PRR5: variants seen among roughly 807,000 people sequenced by gnomAD.
The protein encoded by PRR5 is proline rich 5.
Under a neutral mutation model 30.6 loss-of-function variants are expected in PRR5, and 25 were observed. That is an observed-to-expected ratio of 0.82 (90% CI 0.60 to 1.14). The LOEUF is 1.14. Ranked by LOEUF, PRR5 falls within the 50% of genes most tolerant of loss-of-function variation. PRR5 has a pLI of 0.00. For synonymous variants in PRR5, 286 were observed against 247.1 expected (o/e 1.16, Z -1.48); for missense variants, 600 against 547.1 (o/e 1.10, Z -0.96).
upstream of PRR5, among the ~76,000 whole-genome samples, chr22:44,673,572 C>T (rs962349019): frequency 7.2e-5 from 11 of 152,104 alleles, no homozygotes; most frequent in Admixed American, 1.3e-4. Context: ...CTGATTTAGA[C>T]GAACAGAAAG....
chr22:44,721,233 C>T (rs1434710736), intron 2 of PRR5, among the ~76,000 whole-genome samples: 1 of 152,136 alleles, frequency 6.6e-6, no homozygotes, highest in Non-Finnish European at 1.5e-5. Context: ...AAGCACACTC[C>T]CCAGGGTGGG....
chr22:44,703,331 C>G (rs1006102380), intron 1 of PRR5, among the ~76,000 whole-genome samples: 5 of 125,514 alleles, frequency 4.0e-5, no homozygotes, highest in Admixed American at 3.7e-4. Flanking sequence ...GGACACTGTT[C>G]GGGGGAGGCT....
At chr22:44,675,455 GA>G, upstream of PRR5, among the ~76,000 whole-genome samples, 1 of 152,212 alleles carries the variant, frequency 6.6e-6, no homozygotes, top group Middle Eastern at 3.4e-3. Context: ...AGCAGCCCAG[GA>G]GCTCGTGAGC....
Position 44,726,629 on chromosome 22 carries a change from A to G in PRR5, c.317A>G (p.Tyr106Cys), listed in dbSNP as rs1056779456. The G allele has an allele frequency of 2.2e-5, 35 of 1,613,922 alleles. No homozygotes were observed. Among genetic ancestry groups the G allele is most frequent in the Non-Finnish European group, 2.9e-5 (34 of 1,180,024 alleles). Residue 106 changes from tyrosine to cysteine, a missense_variant, in exon 4 of 8, where the codon TAT becomes TGT. Physicochemically the swap from Tyr to Cys is radical, Grantham distance 194. Transcript: ENST00000336985. ...ATCCTTCGGGACAAGATTCGCTTCT[A>G]TGAGGGTGAGTGTGGGCCCCTTGGC... Reference protein sequence around the residue: ...MVILRDKIRFYEGQKLLDSLA... With the variant: ...MVILRDKIRFCEGQKLLDSLA...
chr22:44,716,132 G>T (rs958821530), intron 2 of PRR5, among the ~76,000 whole-genome samples: 1 of 152,146 alleles, frequency 6.6e-6, no homozygotes, highest in African/African-American at 2.4e-5. Flanking sequence ...GCCTCCCCAG[G>T]AGTGTGTGCT....
chr22:44,720,869 G>A (rs1445910170), intron 2 of PRR5, among the ~76,000 whole-genome samples: 4 of 152,232 alleles, frequency 2.6e-5, no homozygotes, highest in Non-Finnish European at 2.9e-5. Flanking sequence ...GAGGAGGCCA[G>A]GGGAGCCGGA....
At position 44,737,325 on chromosome 22, in the gene PRR5, G is replaced by C; in HGVS notation, c.*78G>C. On this transcript the variant is annotated 3_prime_UTR_variant, in exon 8 of 8. Coordinates refer to ENST00000336985, the MANE Select transcript of PRR5 (RefSeq NM_181333.4). Reference sequence around the variant, plus strand: ...GTCCATGTGGCGTGTGTGTGAGTGAGACTTTTTTACTGCGTCCCGTCCCGC... The same window carrying C: ...GTCCATGTGGCGTGTGTGTGAGTGACACTTTTTTACTGCGTCCCGTCCCGC... 6.6e-7 allele frequency: 1 copy of C among 1,510,902 alleles called. No homozygotes were observed. The highest frequency in any genetic ancestry group is 8.9e-7 in the Non-Finnish European group (1 of 1,129,858). The allele number at this position is 1,510,902 out of a possible 1,614,324, so 93.6% of individuals were successfully genotyped here. A position where few individuals can be genotyped will look rare whatever the true frequency, so the allele number is the denominator to read the frequency against.
At chr22:44,732,216 C>G in intron 5 of PRR5, 35 bp from the exon 6 acceptor site, 1 of 1,605,834 alleles carries the variant, frequency 6.2e-7, no homozygotes. Context: ...CGCATGTGAC[C>G]ACAGCCGGTG....
chr22:44,683,367 C>T (rs1168430106), intron 1 of PRR5, among the ~76,000 whole-genome samples: 1 of 152,234 alleles, frequency 6.6e-6, no homozygotes, highest in African/African-American at 2.4e-5. Context: ...TGAGGGCCAC[C>T]TGGCAGCCCC....
intron 4 of PRR5, among the ~76,000 whole-genome samples, chr22:44,727,852 G>T (rs1921142152): frequency 6.6e-6 from 1 of 152,240 alleles, no homozygotes; most frequent in Non-Finnish European, 1.5e-5. Context: ...ACAAAGAGAG[G>T]CCATGAAAAC....
intron 4 of PRR5, chr22:44,730,894 C>T: frequency 4.3e-6 from 2 of 459,996 alleles, no homozygotes; most frequent in Non-Finnish European, 9.0e-6. Flanking sequence ...TCACCCCTGG[C>T]TACTGCCCTT....
intron 5 of PRR5, 136 bp downstream of exon 5, chr22:44,731,957 T>C: frequency 9.9e-7 from 1 of 1,009,194 alleles, no homozygotes; most frequent in Non-Finnish European, 1.4e-6. Flanking sequence ...TTGGGCTACC[T>C]GAGTTGCTCA....
At chr22:44,688,618 C>T (rs1799073632) in intron 1 of PRR5, among the ~76,000 whole-genome samples, 1 of 152,142 alleles carries the variant, frequency 6.6e-6, no homozygotes, top group Non-Finnish European at 1.5e-5. Context: ...GGGAGGCTGT[C>T]ACTCCATATG....
intron 1 of PRR5, among the ~76,000 whole-genome samples, chr22:44,713,523 G>A (rs1290339088): frequency 2.6e-5 from 4 of 152,286 alleles, no homozygotes; most frequent in East Asian, 3.9e-4. Flanking sequence ...GTGAGCCAGC[G>A]CACCTGGCCT....
upstream of PRR5, among the ~76,000 whole-genome samples, chr22:44,674,986 C>A (rs1033554966): frequency 2.8e-5 from 4 of 143,366 alleles, no homozygotes; most frequent in South Asian, 2.3e-4. Flanking sequence ...CGGTGGCTCA[C>A]GCCTGTAATC....
At chr22:44,696,664 A>C (rs1011935515) in intron 1 of PRR5, among the ~76,000 whole-genome samples, 1 of 152,172 alleles carries the variant, frequency 6.6e-6, no homozygotes, top group African/African-American at 2.4e-5. Flanking sequence ...ACTTAAAGGA[A>C]GCGGTCCACC....
chr22:44,674,150 GTTTTC>G (rs1012911866), upstream of PRR5, among the ~76,000 whole-genome samples: 1 of 149,092 alleles, frequency 6.7e-6, no homozygotes, highest in Non-Finnish European at 1.5e-5. Flanking sequence ...CTTTTTTCTT[GTTTTC>G]TTTTCTTTTT....
intron 1 of PRR5, among the ~76,000 whole-genome samples, chr22:44,686,550 C>T (rs989140512): frequency 1.2e-4 from 18 of 151,872 alleles, no homozygotes; most frequent in African/African-American, 3.9e-4. Context: ...CTCGCTCTGT[C>T]GCCCAGGCTA....
intron 1 of PRR5, among the ~76,000 whole-genome samples, chr22:44,684,267 G>T (rs539593554): frequency 7.9e-5 from 12 of 152,234 alleles, no homozygotes; most frequent in South Asian, 2.1e-4. Context: ...TGATGGCCAG[G>T]CGCGGTGGCT....
Sources: allele counts gnomAD v4.1 joint callset (sites outside exome capture counted in the v4.1 genomes callset), GRCh38; gene constraint gnomAD v4.1.1; transcripts MANE v1.5; gene names NCBI Gene and HGNC (gene_info 2026-07-23, HGNC 2026-07-21).